The following LPP variants were observed in gnomAD, a reference collection of about 807,000 sequenced individuals.
The protein encoded by LPP is LIM domain containing preferred translocation partner in lipoma.
A neutral mutation model predicts 60.4 loss-of-function variants in LPP; 38 were observed. That is an observed-to-expected ratio of 0.63 (90% CI 0.49 to 0.83). LPP has a LOEUF of 0.83. LPP is among the 40% of genes least tolerant of loss of function. LPP has a pLI of 0.00. For synonymous variants in LPP, 328 were observed against 290.8 expected (o/e 1.13, Z -1.30); for missense variants, 902 against 783.6 (o/e 1.15, Z -1.80).
chr3:188,441,514 G>T (rs1189024480), intron 4 of LPP, among the ~76,000 whole-genome samples: 1 of 151,162 alleles, frequency 6.6e-6, no homozygotes, highest in Non-Finnish European at 1.5e-5. Context: ...ACTAGTCCCT[G>T]GAAGGTACAG....
At chr3:188,411,941 C>T (rs1282133316) in intron 4 of LPP, among the ~76,000 whole-genome samples, 1 of 149,532 alleles carries the variant, frequency 6.7e-6, no homozygotes. Context: ...TACTTTTGCA[C>T]CAACTTAATA....
chr3:188,429,829 G>A (rs541547084), intron 4 of LPP, among the ~76,000 whole-genome samples: 1 of 152,258 alleles, frequency 6.6e-6, no homozygotes, highest in Non-Finnish European at 1.5e-5. Context: ...TGCAGAAAGG[G>A]AATGGTAAGG....
intron 9 of LPP, among the ~76,000 whole-genome samples, chr3:188,793,338 C>T (rs1456004158): frequency 6.6e-6 from 1 of 152,060 alleles, no homozygotes; most frequent in Non-Finnish European, 1.5e-5. Context: ...CCCACCACCA[C>T]GCCCAGCTAA....
At chr3:188,191,672 G>A (rs1324460180) in intron 1 of LPP, among the ~76,000 whole-genome samples, 2 of 152,234 alleles carry the variant, frequency 1.3e-5, no homozygotes, top group African/African-American at 4.8e-5. Context: ...GAGCCAGGTG[G>A]TGGCTGAGGA....
intron 1 of LPP, among the ~76,000 whole-genome samples, chr3:188,164,641 A>G (rs919822586): frequency 1.3e-5 from 2 of 152,132 alleles, no homozygotes; most frequent in Admixed American, 1.3e-4. Context: ...CAGGTAAGTG[A>G]CACCTTTTCT....
intron 2 of LPP, among the ~76,000 whole-genome samples, chr3:188,261,255 C>G (rs952803616): frequency 2.6e-5 from 4 of 152,032 alleles, no homozygotes; most frequent in African/African-American, 7.2e-5. Context: ...CTCAATCAAC[C>G]CTCCCACCTC....
intron 7 of LPP, among the ~76,000 whole-genome samples, chr3:188,685,620 G>T (rs959679248): frequency 6.6e-6 from 1 of 152,108 alleles, no homozygotes; most frequent in African/African-American, 2.4e-5. Context: ...TTGATGTGAG[G>T]TCAGAAAGCT....
Position 188,888,370 on chromosome 3 carries a change from T to C in LPP, c.*13891T>C, listed in dbSNP as rs1278192903. Reference sequence around the variant, plus strand: ...GCCACGCACACAGGCTTTTATTTCATGCCTTTTCTCTTTCTGTGCCGTCAC... The same window carrying C: ...GCCACGCACACAGGCTTTTATTTCACGCCTTTTCTCTTTCTGTGCCGTCAC... On this transcript the variant is annotated 3_prime_UTR_variant, in exon 12 of 12. Transcript: ENST00000617246. The C allele has an allele frequency of 4.4e-6, 1 of 228,278 alleles. No homozygotes were observed. Among genetic ancestry groups the C allele is most frequent in the East Asian group, 6.2e-5 (1 of 16,012 alleles). The allele number at this position is 228,278 out of a possible 1,614,324, so 14.1% of individuals were successfully genotyped here.
intron 4 of LPP, among the ~76,000 whole-genome samples, chr3:188,454,559 G>GTAT (rs1797305863): frequency 6.6e-6 from 1 of 152,148 alleles, no homozygotes; most frequent in African/African-American, 2.4e-5. Flanking sequence ...GATGAGCTAT[G>GTAT]TATTAGTTCA....
At chr3:188,349,898 T>C (rs774664298) in intron 3 of LPP, among the ~76,000 whole-genome samples, 11 of 152,244 alleles carry the variant, frequency 7.2e-5, no homozygotes, top group Non-Finnish European at 1.6e-4. Context: ...CTCACAAGCA[T>C]GCTGTTCATC....
intron 7 of LPP, among the ~76,000 whole-genome samples, chr3:188,696,424 G>A (rs1340770211): frequency 6.6e-6 from 1 of 152,130 alleles, no homozygotes; most frequent in African/African-American, 2.4e-5. Flanking sequence ...CTTGAGGTCA[G>A]GAGTTAGAGA....
At chr3:188,416,927 A>G (rs1786449031) in intron 4 of LPP, among the ~76,000 whole-genome samples, 1 of 152,196 alleles carries the variant, frequency 6.6e-6, no homozygotes, top group African/African-American at 2.4e-5. Context: ...CATTATAAAA[A>G]TAAATCTGAC....
At chr3:188,863,448 G>T (rs1765759044) in intron 9 of LPP, among the ~76,000 whole-genome samples, 1 of 152,120 alleles carries the variant, frequency 6.6e-6, no homozygotes, top group South Asian at 2.1e-4. Flanking sequence ...CACAACTCAG[G>T]TCCAGCACAT....
At chr3:188,768,441 T>G (rs982457305) in intron 9 of LPP, among the ~76,000 whole-genome samples, 1 of 152,182 alleles carries the variant, frequency 6.6e-6, no homozygotes, top group Non-Finnish European at 1.5e-5. Flanking sequence ...ATTCCAGTTA[T>G]TCCATATTCA....
chr3:188,354,578 AC>A (rs1386542392), intron 3 of LPP, among the ~76,000 whole-genome samples: 3 of 152,080 alleles, frequency 2.0e-5, no homozygotes, highest in African/African-American at 7.2e-5. Flanking sequence ...TTTTTCTTTT[AC>A]AGTTTTAGGC....
At chr3:188,647,205 T>C (rs908309720) in intron 7 of LPP, among the ~76,000 whole-genome samples, 1 of 152,246 alleles carries the variant, frequency 6.6e-6, no homozygotes, top group African/African-American at 2.4e-5. Flanking sequence ...CATCCAGCTC[T>C]GACCTGGGCC....
chr3:188,654,111 T>G (rs1262533501), intron 7 of LPP, among the ~76,000 whole-genome samples: 1 of 152,206 alleles, frequency 6.6e-6, no homozygotes, highest in African/African-American at 2.4e-5. Context: ...ACCTCATCAT[T>G]ATGTGGAGCT....
chr3:188,613,232 C>T (rs1844076932), intron 7 of LPP, among the ~76,000 whole-genome samples: 1 of 151,216 alleles, frequency 6.6e-6, no homozygotes, highest in Non-Finnish European at 1.5e-5. Flanking sequence ...GAACTCGTGT[C>T]CTGTGCATTT....
intron 6 of LPP, among the ~76,000 whole-genome samples, chr3:188,606,904 C>G (rs914930384): frequency 2.6e-5 from 4 of 152,084 alleles, no homozygotes; most frequent in Non-Finnish European, 4.4e-5. Context: ...ACAAACCCAA[C>G]TATAAATGGA....
Sources: allele counts gnomAD v4.1 joint callset (sites outside exome capture counted in the v4.1 genomes callset), GRCh38; gene constraint gnomAD v4.1.1; transcripts MANE v1.5; gene names NCBI Gene and HGNC (gene_info 2026-07-23, HGNC 2026-07-21).